SYT9: variants seen among roughly 807,000 people sequenced by gnomAD.
The protein encoded by SYT9 is synaptotagmin 9.
In SYT9, 22 loss-of-function variants were observed where a neutral mutation model predicts 48.4. The ratio of observed to expected loss-of-function variants is 0.45; its 90% CI spans 0.32 to 0.65. The LOEUF is 0.65. Among genes scored for constraint, SYT9 ranks in the 30% least tolerant of loss-of-function variants. The pLI is 0.03. For missense variants in SYT9, 577 were observed against 622.0 expected, an observed-to-expected ratio of 0.93 and a Z score of 0.77; for synonymous variants, 265 against 245.0, an observed-to-expected ratio of 1.08 and a Z score of -0.76.
upstream of SYT9, among the ~76,000 whole-genome samples, chr11:7,246,911 A>G (rs1847800054): frequency 6.6e-6 from 1 of 152,190 alleles, no homozygotes; most frequent in African/African-American, 2.4e-5. Flanking sequence ...GTAACAAAAT[A>G]GCATATACTG....
intron 6 of SYT9, among the ~76,000 whole-genome samples, chr11:7,463,714 C>T (rs528740076): frequency 3.9e-4 from 60 of 152,268 alleles, no homozygotes; most frequent in African/African-American, 1.3e-3. Context: ...ATTCTAGGAC[C>T]TTAGTGGCGC....
intron 3 of SYT9, among the ~76,000 whole-genome samples, chr11:7,337,478 C>G (rs1849649077): frequency 6.6e-6 from 1 of 152,068 alleles, no homozygotes; most frequent in East Asian, 1.9e-4. Flanking sequence ...TTTATCCATT[C>G]AGTATTATGT....
intron 3 of SYT9, among the ~76,000 whole-genome samples, chr11:7,354,919 A>G (rs1255773449): frequency 2.0e-5 from 3 of 152,070 alleles, no homozygotes; most frequent in Non-Finnish European, 2.9e-5. Context: ...ATGCTATGGT[A>G]CCATTTCTCC....
intron 1 of SYT9, among the ~76,000 whole-genome samples, chr11:7,256,439 T>C (rs1847972647): frequency 6.6e-6 from 1 of 152,148 alleles, no homozygotes; most frequent in Admixed American, 6.5e-5. Flanking sequence ...CTAAAAGTGA[T>C]TGATATATAT....
At chr11:7,270,182 C>T (rs920069213) in intron 1 of SYT9, among the ~76,000 whole-genome samples, 5 of 152,070 alleles carry the variant, frequency 3.3e-5, no homozygotes, top group Non-Finnish European at 7.4e-5. Flanking sequence ...AATGTTTATT[C>T]TTATTATATA....
intron 3 of SYT9, among the ~76,000 whole-genome samples, chr11:7,338,743 G>T (rs1487700790): frequency 1.3e-5 from 2 of 152,096 alleles, no homozygotes; most frequent in South Asian, 2.1e-4. Flanking sequence ...TTTTGCATTT[G>T]CTAAGGATTG....
chr11:7,352,681 C>T (rs1849940448), intron 3 of SYT9, among the ~76,000 whole-genome samples: 1 of 152,152 alleles, frequency 6.6e-6, no homozygotes, highest in Admixed American at 6.5e-5. Context: ...CATGTGCTCC[C>T]CTGCACTTGT....
At chr11:7,321,736 C>G (rs907208561) in intron 3 of SYT9, among the ~76,000 whole-genome samples, 3 of 152,088 alleles carry the variant, frequency 2.0e-5, no homozygotes, top group African/African-American at 7.2e-5. Context: ...CCAGTTATAC[C>G]CACTTCCAAT....
chr11:7,384,087 CACACA>C lies in SYT9; in HGVS notation c.1045-31954_1045-31950del, dbSNP rs766622897. ...CCACACACACACACACACACACACACACACACCCTCACACCTTACTTCCCTCTCCC... is the reference window on the plus strand; with the variant it reads ...CCACACACACACACACACACACACACCCCTCACACCTTACTTCCCTCTCCC... On this transcript the variant is annotated intron_variant, in intron 3 of 6. Coordinates refer to ENST00000318881, the MANE Select transcript of SYT9 (RefSeq NM_175733.4). Among the ~76,000 whole-genome samples, 77 of 151,984 alleles carry C rather than the reference CACACA, an allele frequency of 5.1e-4. 1 individual carries two copies. Among genetic ancestry groups the C allele is most frequent in the East Asian group, 2.3e-3 (12 of 5,170 alleles).
intron 3 of SYT9, among the ~76,000 whole-genome samples, chr11:7,364,970 A>G (rs1850213356): frequency 6.6e-6 from 1 of 152,108 alleles, no homozygotes; most frequent in African/African-American, 2.4e-5. Context: ...TGCCTCCCAG[A>G]CAGGTTTTAT....
intron 6 of SYT9, among the ~76,000 whole-genome samples, chr11:7,461,585 C>T (rs370950049): frequency 7.2e-5 from 11 of 152,290 alleles, no homozygotes; most frequent in African/African-American, 2.6e-4. Context: ...GTTGACCAGG[C>T]TGGTCTCGAA....
intron 4 of SYT9, 52 bp downstream of exon 4, chr11:7,416,214 A>T (rs201991859): frequency 6.2e-7 from 1 of 1,607,748 alleles, no homozygotes; most frequent in African/African-American, 1.3e-5. Flanking sequence ...TGTAGTAAGT[A>T]CCTTATAAAG....
intron 3 of SYT9, among the ~76,000 whole-genome samples, chr11:7,383,135 G>A (rs527987219): frequency 1.2e-4 from 19 of 152,132 alleles, no homozygotes; most frequent in Non-Finnish European, 1.3e-4. Flanking sequence ...TATTAACGTC[G>A]TCCATGTTAT....
chr11:7,408,322 T>A (rs1847063261), intron 3 of SYT9, among the ~76,000 whole-genome samples: 1 of 152,174 alleles, frequency 6.6e-6, no homozygotes, highest in Admixed American at 6.5e-5. Context: ...GAGATGGGGT[T>A]TCTCTATGTT....
chr11:7,269,265 A>T (rs939369457), intron 1 of SYT9, among the ~76,000 whole-genome samples: 8 of 152,164 alleles, frequency 5.3e-5, no homozygotes, highest in African/African-American at 1.9e-4. Context: ...ATAATTGAGT[A>T]ACTATTTGGG....
intron 2 of SYT9, among the ~76,000 whole-genome samples, chr11:7,309,775 C>G (rs968581541): frequency 6.6e-6 from 1 of 152,180 alleles, no homozygotes; most frequent in Admixed American, 6.5e-5. Flanking sequence ...TATTTTCAGC[C>G]CCCAGACCTC....
chr11:7,398,624 A>G (rs1846809627), intron 3 of SYT9, among the ~76,000 whole-genome samples: 1 of 151,988 alleles, frequency 6.6e-6, no homozygotes, highest in Non-Finnish European at 1.5e-5. Flanking sequence ...GTTAGCCAGG[A>G]CAGTCTCGAT....
At position 7,407,374 on chromosome 11, in the gene SYT9, T is replaced by A. The variant is rs1260611891; in HGVS notation, c.1045-8668T>A. On this transcript the variant is annotated intron_variant, in intron 3 of 6. Transcript: ENST00000318881. ...TTAAGTCTATAATTTTTTTTTTTTTTTTTTTTTTTTTTTTTTTGAGACGGA... is the reference window on the plus strand; with the variant it reads ...TTAAGTCTATAATTTTTTTTTTTTTATTTTTTTTTTTTTTTTTGAGACGGA... Among the ~76,000 whole-genome samples, 68 of 62,942 alleles carry A rather than the reference T, an allele frequency of 1.1e-3. 6 individuals are homozygous for A. The highest frequency in any genetic ancestry group is 2.0e-3 in the African/African-American group (11 of 5,382). The allele number at this position is 62,942 out of a possible 152,430, so 41.3% of individuals were successfully genotyped here.
chr11:7,340,858 G>A (rs1358695992), intron 3 of SYT9, among the ~76,000 whole-genome samples: 2 of 152,234 alleles, frequency 1.3e-5, no homozygotes, highest in Non-Finnish European at 2.9e-5. Flanking sequence ...ATCCAGTGAG[G>A]AGATACAGGA....
Sources: allele counts gnomAD v4.1 joint callset (sites outside exome capture counted in the v4.1 genomes callset), GRCh38; gene constraint gnomAD v4.1.1; transcripts MANE v1.5; gene names NCBI Gene and HGNC (gene_info 2026-07-23, HGNC 2026-07-21).